NEGR1: variants seen among roughly 807,000 people sequenced by gnomAD.
NEGR1 encodes the protein neuronal growth regulator 1, also known as IgLON family member 4.
A neutral mutation model predicts 40.9 loss-of-function variants in NEGR1; 10 were observed. That is an observed-to-expected ratio of 0.24 (90% CI 0.15 to 0.42). The LOEUF (loss-of-function observed/expected upper bound fraction) is 0.42. NEGR1 is among the 10% of genes least tolerant of loss of function. NEGR1 has a pLI of 1.00. For missense variants in NEGR1, 352 were observed against 438.9 expected (o/e 0.80, Z 1.77); for synonymous variants, 185 against 166.8 (o/e 1.11, Z -0.84).
At chr1:71,826,539 G>A (rs547987353) in intron 2 of NEGR1, among the ~76,000 whole-genome samples, 5 of 151,804 alleles carry the variant, frequency 3.3e-5, no homozygotes, top group Non-Finnish European at 7.4e-5. Flanking sequence ...ATAACATGAT[G>A]CACACTTTCT....
At chr1:71,459,045 A>C (rs185754418) in intron 6 of NEGR1, among the ~76,000 whole-genome samples, 122 of 152,082 alleles carry the variant, frequency 8.0e-4, no homozygotes, top group African/African-American at 2.7e-3. Flanking sequence ...AAATAAATAA[A>C]ATAATAAAAT....
chr1:71,947,550 G>T (rs1402299324), intron 1 of NEGR1, among the ~76,000 whole-genome samples: 1 of 152,172 alleles, frequency 6.6e-6, no homozygotes. Context: ...AAAGCAAGTT[G>T]TAAACCACCT....
At chr1:71,899,400 C>A (rs1369376397) in intron 2 of NEGR1, among the ~76,000 whole-genome samples, 5 of 151,692 alleles carry the variant, frequency 3.3e-5, no homozygotes, top group Non-Finnish European at 7.4e-5. Context: ...AGGCACTAGA[C>A]CAGATTAAGA....
In NEGR1 at chr1:71,868,430, T is replaced by A. The variant is rs916388586; in HGVS notation, c.409+66649A>T. 2.4e-3 allele frequency among the ~76,000 whole-genome samples: 333 copies of A among 136,648 alleles called. 1 individual carries two copies. Among genetic ancestry groups the A allele is most frequent in the African/African-American group, 7.2e-3 (259 of 35,986 alleles). The allele number at this position is 136,648 out of a possible 152,430, so 89.6% of individuals were successfully genotyped here. A position where few individuals can be genotyped will look rare whatever the true frequency, so the allele number is the denominator to read the frequency against. ...CCTTACCTTAAATTAAATAGATAGATGATAGAAGATAGATAGATAGATAGA... is the reference window on the plus strand; with the variant it reads ...CCTTACCTTAAATTAAATAGATAGAAGATAGAAGATAGATAGATAGATAGA... On this transcript the variant is annotated intron_variant, in intron 2 of 6. Coordinates refer to ENST00000357731, the MANE Select transcript of NEGR1 (RefSeq NM_173808.3).
At chr1:71,873,278 A>C (rs1660332732) in intron 2 of NEGR1, among the ~76,000 whole-genome samples, 1 of 151,866 alleles carries the variant, frequency 6.6e-6, no homozygotes, top group African/African-American at 2.4e-5. Context: ...ACATATATTA[A>C]ATATATAAAG....
chr1:71,501,639 C>T (rs182799532), intron 6 of NEGR1, among the ~76,000 whole-genome samples: 20 of 152,046 alleles, frequency 1.3e-4, no homozygotes, highest in Middle Eastern at 3.4e-3. Flanking sequence ...GATTCTATGT[C>T]GATACAAGTA....
At position 71,792,530 on chromosome 1, in the gene NEGR1, T is replaced by A. The variant is rs141320918; in HGVS notation, c.410-16233A>T. On this transcript the variant is annotated intron_variant, in intron 2 of 6. Transcript: ENST00000357731. ...TTGTTTTTCATTTCCAGAGATAGGA[T>A]GACCACCTGCCTTTCCAACATATTG... 6.9e-3 allele frequency among the ~76,000 whole-genome samples: 1,050 copies of A among 152,310 alleles called. 14 individuals are homozygous for A. Among genetic ancestry groups the A allele is most frequent in the African/African-American group, 0.024 (999 of 41,558 alleles).
chr1:72,228,811 CAA>C (rs1365936461), intron 1 of NEGR1, among the ~76,000 whole-genome samples: 1 of 151,996 alleles, frequency 6.6e-6, no homozygotes, highest in Non-Finnish European at 1.5e-5. Flanking sequence ...CATTTTAATA[CAA>C]AGTTTTGCTT....
chr1:71,503,586 C>T (rs1647012815), intron 6 of NEGR1, among the ~76,000 whole-genome samples: 1 of 152,136 alleles, frequency 6.6e-6, no homozygotes, highest in Admixed American at 6.5e-5. Flanking sequence ...ACTTCCCTAT[C>T]CCTTCCACAC....
chr1:72,120,564 G>T (rs961437800), intron 1 of NEGR1, among the ~76,000 whole-genome samples: 1 of 151,284 alleles, frequency 6.6e-6, no homozygotes, highest in African/African-American at 2.4e-5. Context: ...CATTGTGCAG[G>T]TTAGTTACAT....
chr1:71,946,326 G>T (rs1646018827), intron 1 of NEGR1, among the ~76,000 whole-genome samples: 1 of 151,866 alleles, frequency 6.6e-6, no homozygotes, highest in African/African-American at 2.4e-5. Context: ...TGCTTGTATG[G>T]TTCATATAAC....
chr1:71,759,286 A>ATTTTT (rs1557641564), intron 3 of NEGR1, among the ~76,000 whole-genome samples: 2 of 103,734 alleles, frequency 1.9e-5, no homozygotes, highest in African/African-American at 3.3e-5. Context: ...CAAGATTATA[A>ATTTTT]CTTTTTTTTT....
chr1:72,014,797 A>C (rs1243885746), intron 1 of NEGR1, among the ~76,000 whole-genome samples: 1 of 152,078 alleles, frequency 6.6e-6, no homozygotes, highest in African/African-American at 2.4e-5. Context: ...TCATTAAACC[A>C]GAAATACCTA....
At chr1:71,573,211 G>A (rs1648860493) in intron 6 of NEGR1, among the ~76,000 whole-genome samples, 1 of 152,130 alleles carries the variant, frequency 6.6e-6, no homozygotes, top group South Asian at 2.1e-4. Flanking sequence ...ATAAAGGGAA[G>A]TCACAGAGGA....
intron 6 of NEGR1, among the ~76,000 whole-genome samples, chr1:71,423,610 G>A (rs1383000746): frequency 2.0e-5 from 3 of 152,072 alleles, no homozygotes; most frequent in Admixed American, 2.0e-4. Flanking sequence ...AAAAATGTGG[G>A]AAAAACTAGT....
intron 6 of NEGR1, among the ~76,000 whole-genome samples, chr1:71,547,347 T>C (rs1016959290): frequency 1.3e-5 from 2 of 151,766 alleles, no homozygotes; most frequent in African/African-American, 4.8e-5. Flanking sequence ...TGTTAGGCGA[T>C]AATTAATTGG....
chr1:72,185,443 T>C (rs1652577426), intron 1 of NEGR1, among the ~76,000 whole-genome samples: 1 of 151,904 alleles, frequency 6.6e-6, no homozygotes, highest in African/African-American at 2.4e-5. Context: ...ACTGACTTCA[T>C]AAACTTAGCA....
chr1:71,532,032 T>C (rs766334263), intron 6 of NEGR1, among the ~76,000 whole-genome samples: 1 of 151,432 alleles, frequency 6.6e-6, no homozygotes, highest in Non-Finnish European at 1.5e-5. Flanking sequence ...AACTTATACC[T>C]CTTTATGTGT....
chr1:71,876,916 G>GA (rs1447529958), intron 2 of NEGR1, among the ~76,000 whole-genome samples: 6 of 152,048 alleles, frequency 3.9e-5, no homozygotes, highest in African/African-American at 1.4e-4. Flanking sequence ...CATGCTACCT[G>GA]AATTTTGGAG....
Sources: allele counts gnomAD v4.1 joint callset (sites outside exome capture counted in the v4.1 genomes callset), GRCh38; gene constraint gnomAD v4.1.1; transcripts MANE v1.5; gene names NCBI Gene and HGNC (gene_info 2026-07-23, HGNC 2026-07-21).